GPHN: variants seen among roughly 807,000 people sequenced by gnomAD.
GPHN encodes gephyrin.
In GPHN, 17 loss-of-function variants were observed where a neutral mutation model predicts 95.5. The ratio of observed to expected loss-of-function variants is 0.18; its 90% CI spans 0.12 to 0.27. The LOEUF is 0.27. GPHN is among the 10% of genes least tolerant of loss of function. GPHN has a pLI of 1.00. For missense variants in GPHN, 660 were observed against 978.1 expected, an observed-to-expected ratio of 0.67 and a Z score of 4.34; for synonymous variants, 320 against 322.5, an observed-to-expected ratio of 0.99 and a Z score of 0.08.
chr14:67,706,550 A>G, the GPHN span, among the ~76,000 whole-genome samples: 4 of 152,224 alleles, frequency 2.6e-5, no homozygotes, highest in African/African-American at 9.6e-5. Context: ...ATGGGCTTCC[A>G]GGTCACAGGA....
intron 4 of GPHN, among the ~76,000 whole-genome samples, chr14:66,841,234 A>G (rs2062076615): frequency 6.6e-6 from 1 of 152,082 alleles, no homozygotes; most frequent in Non-Finnish European, 1.5e-5. Flanking sequence ...GAGGATAGGT[A>G]GCCCAGGTAG....
At chr14:66,609,944 A>G (rs771826721) in intron 1 of GPHN, among the ~76,000 whole-genome samples, 4 of 152,076 alleles carry the variant, frequency 2.6e-5, no homozygotes, top group Admixed American at 1.3e-4. Context: ...AGTCATTTCA[A>G]TCTGGTTAAG....
the GPHN span, among the ~76,000 whole-genome samples, chr14:67,520,269 T>C: frequency 6.6e-6 from 1 of 152,224 alleles, no homozygotes; most frequent in Non-Finnish European, 1.5e-5. Flanking sequence ...TATATTGACA[T>C]GTATCCACCA....
the GPHN span, among the ~76,000 whole-genome samples, chr14:67,528,669 A>G: frequency 6.6e-6 from 1 of 151,996 alleles, no homozygotes; most frequent in Non-Finnish European, 1.5e-5. Context: ...TCCTGTCCCT[A>G]TCCCATTAAG....
intron 1 of GPHN, among the ~76,000 whole-genome samples, chr14:66,534,311 C>T (rs2059053842): frequency 6.6e-6 from 1 of 152,150 alleles, no homozygotes; most frequent in South Asian, 2.1e-4. Context: ...TCTCCTGTCA[C>T]TCCCAAGTAA....
the GPHN span, among the ~76,000 whole-genome samples, chr14:67,658,028 C>T: frequency 6.6e-6 from 1 of 152,140 alleles, no homozygotes; most frequent in Non-Finnish European, 1.5e-5. Context: ...GGATTACAGG[C>T]GTAAGCCACT....
chr14:67,726,169 G>A, the GPHN span: 7 of 1,512,614 alleles, frequency 4.6e-6, no homozygotes, highest in Admixed American at 6.7e-5. Flanking sequence ...AGTATCTTTG[G>A]GTGACTAAAA....
At chr14:67,225,997 A>G in the GPHN span, among the ~76,000 whole-genome samples, 21 of 148,796 alleles carry the variant, frequency 1.4e-4, no homozygotes, top group Admixed American at 8.7e-4. Context: ...GTGCATGCTC[A>G]TAAGGGCTGA....
intron 4 of GPHN, among the ~76,000 whole-genome samples, chr14:66,848,741 T>C (rs1359409539): frequency 2.0e-5 from 3 of 151,962 alleles, no homozygotes; most frequent in African/African-American, 7.2e-5. Context: ...AATAACTCCT[T>C]TTTTACTGAA....
chr14:66,853,836 TG>T (rs2062692928), intron 4 of GPHN, among the ~76,000 whole-genome samples: 3 of 152,354 alleles, frequency 2.0e-5, no homozygotes, highest in Admixed American at 6.5e-5. Flanking sequence ...ATTTTGGCAC[TG>T]TATTTTTACC....
chr14:67,315,258 CTTATTT>C, the GPHN span, among the ~76,000 whole-genome samples: 2 of 140,344 alleles, frequency 1.4e-5, no homozygotes, highest in East Asian at 2.0e-4. Flanking sequence ...AAATCGGTTA[CTTATTT>C]TTAATTTTTT....
the GPHN span, among the ~76,000 whole-genome samples, chr14:67,400,740 C>T: frequency 6.6e-6 from 1 of 152,108 alleles, no homozygotes; most frequent in Middle Eastern, 3.4e-3. Flanking sequence ...GTAATCCCAG[C>T]ACTTCGGGAG....
At chr14:67,132,383 C>G (rs1447692578) in intron 17 of GPHN, among the ~76,000 whole-genome samples, 2 of 152,124 alleles carry the variant, frequency 1.3e-5, no homozygotes, top group Non-Finnish European at 2.9e-5. Context: ...TATAAACTAT[C>G]TGCTCTCCTT....
chr14:67,366,334 A>T, the GPHN span, among the ~76,000 whole-genome samples: 22 of 152,186 alleles, frequency 1.4e-4, no homozygotes, highest in African/African-American at 4.6e-4. Context: ...GGCCTCACAA[A>T]GTACTGGGAT....
chr14:66,717,101 T>C (rs139790006), intron 2 of GPHN, among the ~76,000 whole-genome samples: 1,830 of 152,338 alleles, frequency 0.012, 18 homozygotes, highest in Non-Finnish European at 0.018. Context: ...TCCAAGCTTT[T>C]AGAATTCTCT....
chr14:66,745,570 T>C (rs1455643471), intron 2 of GPHN, among the ~76,000 whole-genome samples: 1 of 152,032 alleles, frequency 6.6e-6, no homozygotes, highest in African/African-American at 2.4e-5. Flanking sequence ...GTCTTCACCA[T>C]TTTGTTATAT....
chr14:66,785,322 C>T (rs1336927283), intron 3 of GPHN, among the ~76,000 whole-genome samples: 5 of 152,194 alleles, frequency 3.3e-5, no homozygotes, highest in African/African-American at 9.7e-5. Flanking sequence ...GCCAAGATCA[C>T]ACCACTGCAC....
At chr14:67,099,736 G>GA (rs1015953008) in intron 12 of GPHN, among the ~76,000 whole-genome samples, 1 of 151,912 alleles carries the variant, frequency 6.6e-6, no homozygotes, top group Non-Finnish European at 1.5e-5. Context: ...TAAGCCTTTA[G>GA]AAAAAAATAA....
At chr14:66,822,855 CTG>C (rs1205553097) in intron 3 of GPHN, among the ~76,000 whole-genome samples, 1 of 152,114 alleles carries the variant, frequency 6.6e-6, no homozygotes, top group African/African-American at 2.4e-5. Flanking sequence ...GGTGAGAAAA[CTG>C]TGGCACAGGC....
Sources: allele counts gnomAD v4.1 joint callset (sites outside exome capture counted in the v4.1 genomes callset), GRCh38; gene constraint gnomAD v4.1.1; transcripts MANE v1.5; gene names NCBI Gene and HGNC (gene_info 2026-07-23, HGNC 2026-07-21).